GSE1: variants seen among roughly 807,000 people sequenced by gnomAD.
GSE1 encodes genetic suppressor element 1.
Under a neutral mutation model 112.6 loss-of-function variants are expected in GSE1, and 32 were observed. The observed-to-expected ratio is 0.28, with a 90% CI of 0.21 to 0.38. The LOEUF (loss-of-function observed/expected upper bound fraction) is 0.38, where lower values mean the gene tolerates loss of function less well. GSE1 is among the 10% of genes least tolerant of loss of function. GSE1 has a pLI of 1.00. For missense variants in GSE1, 2,348 were observed against 1,699.2 expected, an observed-to-expected ratio of 1.38 and a Z score of -6.71; for synonymous variants, 1,115 against 735.6, an observed-to-expected ratio of 1.52 and a Z score of -8.35.
chr16:85,382,799 C>G (rs536913951), intron 2 of GSE1, among the ~76,000 whole-genome samples: 5 of 136,856 alleles, frequency 3.7e-5, no homozygotes, highest in Admixed American at 6.8e-5. Context: ...ACAACACATG[C>G]ACACACACTC....
rs576499149 is a variant in GSE1 at position 85,634,898 on chromosome 16, C to T, written c.226+766C>T. Among the ~76,000 whole-genome samples, 106 of 152,238 alleles carry T rather than the reference C, an allele frequency of 7.0e-4. 1 individual carries two copies. The Middle Eastern group carries it at 0.014, about 20-fold the overall frequency. ...AGTGGGCGGCTGGAGCTGCTGGGGGCCTTGGCCATGTGGATTCTGGCCTCG... is the reference window on the plus strand; with the variant it reads ...AGTGGGCGGCTGGAGCTGCTGGGGGTCTTGGCCATGTGGATTCTGGCCTCG... On this transcript the variant is annotated intron_variant, in intron 2 of 15. Coordinates refer to ENST00000253458, the MANE Select transcript of GSE1 (RefSeq NM_014615.5).
intron 1 of GSE1, among the ~76,000 whole-genome samples, chr16:85,301,768 G>A (rs1304903849): frequency 6.6e-6 from 1 of 152,232 alleles, no homozygotes; most frequent in Admixed American, 6.5e-5. Flanking sequence ...CAGTCCCCAA[G>A]AGGGAGCACC....
At chr16:85,375,225 C>T (rs1427704604) in intron 2 of GSE1, among the ~76,000 whole-genome samples, 2 of 152,202 alleles carry the variant, frequency 1.3e-5, no homozygotes, top group African/African-American at 4.8e-5. Context: ...TACTAATCCC[C>T]TTGCCTGGGA....
chr16:85,233,560 G>T lies in GSE1; in HGVS notation c.2283+61753G>T, dbSNP rs1457855247. Among the ~76,000 whole-genome samples the T allele has an allele frequency of 2.0e-5, 3 of 152,334 alleles. No homozygotes were observed. The East Asian group carries it at 5.8e-4, about 29-fold the overall frequency. ...CATGTTGTACAGTGTCTGGATGCTT[G>T]CATGTATGCGGTGTGTGATATGTGT... On this transcript the variant is annotated intron_variant, in intron 1 of 2. Transcript: ENST00000637419.
At chr16:85,276,485 G>A (rs561640002) in intron 1 of GSE1, among the ~76,000 whole-genome samples, 1 of 152,336 alleles carries the variant, frequency 6.6e-6, no homozygotes, top group South Asian at 2.1e-4. Context: ...TATATTGGGT[G>A]AATGAAATGA....
At position 85,229,158 on chromosome 16, in the gene GSE1, C is replaced by T. The variant is rs78327229; in HGVS notation, c.2283+57351C>T. Reference sequence around the variant, plus strand: ...GCTGAGGTCTCCCTACCTAAGAGGACGCCCCCCTTTGTGGGTTCCAGCTGA... The same window carrying T: ...GCTGAGGTCTCCCTACCTAAGAGGATGCCCCCCTTTGTGGGTTCCAGCTGA... On this transcript the variant is annotated intron_variant, in intron 1 of 2. Transcript: ENST00000637419. Among the ~76,000 whole-genome samples the T allele has an allele frequency of 7.1e-3, 1,074 of 152,338 alleles. 19 individuals carry two copies. Among genetic ancestry groups the T allele is most frequent in the African/African-American group, 0.024 (1,004 of 41,582 alleles).
intron 2 of GSE1, among the ~76,000 whole-genome samples, chr16:85,479,121 A>G (rs1423342720): frequency 1.4e-5 from 2 of 142,372 alleles, no homozygotes; most frequent in Non-Finnish European, 1.5e-5. Context: ...TCCCGGGTTC[A>G]CACCATTCTT....
chr16:85,496,044 G>A (rs1237377745), intron 2 of GSE1, among the ~76,000 whole-genome samples: 1 of 152,202 alleles, frequency 6.6e-6, no homozygotes, highest in Non-Finnish European at 1.5e-5. Flanking sequence ...CGATTGTTCT[G>A]CAAGCCAGAG....
rs535643933 is a variant in GSE1 at position 85,383,288 on chromosome 16, A to G, written c.2464+25645A>G. ...AGCATACACACAGTTCCCAGCACACATGCATGTGCACAAACATGTACATAC... is the reference window on the plus strand; with the variant it reads ...AGCATACACACAGTTCCCAGCACACGTGCATGTGCACAAACATGTACATAC... On this transcript the variant is annotated intron_variant, in intron 2 of 2. Transcript: ENST00000637419. Among the ~76,000 whole-genome samples the G allele has an allele frequency of 1.5e-4, 23 of 151,876 alleles. No homozygotes were observed. The South Asian group carries it at 4.8e-3, about 32-fold the overall frequency.
intron 1 of GSE1, among the ~76,000 whole-genome samples, chr16:85,278,635 G>C (rs1333157886): frequency 2.0e-5 from 3 of 152,186 alleles, no homozygotes; most frequent in African/African-American, 7.2e-5. Context: ...ATACAAGTAA[G>C]TGTCTTGAAT....
At chr16:85,342,874 A>G (rs764074525) in intron 1 of GSE1, among the ~76,000 whole-genome samples, 27 of 150,738 alleles carry the variant, frequency 1.8e-4, no homozygotes, top group South Asian at 6.3e-4. Flanking sequence ...CTCTCCATGC[A>G]CAAATTGTAC....
chr16:85,342,139 T>C (rs1296015072), intron 1 of GSE1, among the ~76,000 whole-genome samples: 1 of 151,744 alleles, frequency 6.6e-6, no homozygotes, highest in African/African-American at 2.4e-5. Context: ...AGAAGTGATA[T>C]CTCCTGAGGC....
At chr16:85,209,795 G>T (rs538753418) in intron 1 of GSE1, among the ~76,000 whole-genome samples, 4 of 152,346 alleles carry the variant, frequency 2.6e-5, no homozygotes, top group Admixed American at 1.3e-4. Context: ...CTGAGGCTGA[G>T]GGGGCCGCTG....
chr16:85,338,481 G>A (rs1597430785), intron 1 of GSE1, among the ~76,000 whole-genome samples: 2 of 152,328 alleles, frequency 1.3e-5, no homozygotes, highest in African/African-American at 4.8e-5. Context: ...CATCAAATGG[G>A]CGTATAATGA....
chr16:85,191,926 G>C (rs2074831734), intron 1 of GSE1, among the ~76,000 whole-genome samples: 1 of 152,164 alleles, frequency 6.6e-6, no homozygotes, highest in African/African-American at 2.4e-5. Context: ...GGGTGGGCAG[G>C]CATGGGTGGG....
At chr16:85,325,787 C>G (rs1307126857) in intron 1 of GSE1, among the ~76,000 whole-genome samples, 1 of 122,038 alleles carries the variant, frequency 8.2e-6, no homozygotes, top group Non-Finnish European at 1.7e-5. Context: ...GACGGAGTCT[C>G]CCTCTGTCGC....
rs374848894 is a variant in GSE1 at position 85,629,332 on chromosome 16, C to G, written c.8-4582C>G. Among the ~76,000 whole-genome samples, 23 of 152,368 alleles carry G rather than the reference C, an allele frequency of 1.5e-4. No homozygotes were observed. The East Asian group carries it at 4.2e-3, about 28-fold the overall frequency. On this transcript the variant is annotated intron_variant, in intron 1 of 15. Transcript: ENST00000253458. The stretch of plus-strand genomic sequence containing the variant: ...ACATCTGCCCGGGTGGCCAGCCAGC[C>G]TCATGAAGGCCACAGGAGAGAGAAT...
chr16:85,385,057 G>A (rs913302559), intron 2 of GSE1, among the ~76,000 whole-genome samples: 3 of 152,200 alleles, frequency 2.0e-5, no homozygotes, highest in Non-Finnish European at 4.4e-5. Flanking sequence ...CACTGGCTCC[G>A]CCACCTGCCC....
chr16:85,351,063 A>T (rs971961553), intron 1 of GSE1, among the ~76,000 whole-genome samples: 3 of 152,184 alleles, frequency 2.0e-5, no homozygotes, highest in African/African-American at 7.2e-5. Context: ...CATTGTACTC[A>T]AAAGGAAACC....
Sources: gnomAD v4.1 joint callset for allele counts (sites outside exome capture counted in the v4.1 genomes callset) on GRCh38, gnomAD v4.1.1 for gene constraint, MANE v1.5 for transcripts, NCBI Gene and HGNC (gene_info 2026-07-23, HGNC 2026-07-21) for gene names.